Variants in DNAH9 observed in about 807,000 individuals in gnomAD.
The protein encoded by DNAH9 is dynein axonemal heavy chain 9, also known as DNAH9 variant protein.
In DNAH9, 345 loss-of-function variants were observed where a neutral mutation model predicts 471.6. The ratio of observed to expected loss-of-function variants is 0.73; its 90% CI spans 0.67 to 0.80. The LOEUF is 0.80. DNAH9 is among the 30% of genes least tolerant of loss of function. DNAH9 has a pLI of 0.00. For synonymous variants in DNAH9, 2,093 were observed against 2,123.6 expected, an observed-to-expected ratio of 0.99 and a Z score of 0.40; for missense variants, 5,407 against 5,609.2, an observed-to-expected ratio of 0.96 and a Z score of 1.15.
chr17:11,854,933 T>C (rs1257385615), intron 50 of DNAH9, among the ~76,000 whole-genome samples: 1 of 152,214 alleles, frequency 6.6e-6, no homozygotes, highest in Non-Finnish European at 1.5e-5. Context: ...TCATTAGCTT[T>C]TATAAACTCA....
At chr17:11,646,588 CTTCTCTGATT>C (rs2073395511) in intron 11 of DNAH9, among the ~76,000 whole-genome samples, 1 of 152,158 alleles carries the variant, frequency 6.6e-6, no homozygotes, top group Non-Finnish European at 1.5e-5. Flanking sequence ...TCTTTCTCCT[CTTCTCTGATT>C]TAAGCAATGC....
intron 61 of DNAH9, among the ~76,000 whole-genome samples, chr17:11,921,085 G>A (rs887142158): frequency 6.6e-6 from 1 of 151,694 alleles, no homozygotes; most frequent in Non-Finnish European, 1.5e-5. Flanking sequence ...AGGCTGCAGT[G>A]AGGTGAGATC....
intron 41 of DNAH9, among the ~76,000 whole-genome samples, chr17:11,787,301 C>A (rs540183527): frequency 6.6e-6 from 1 of 152,330 alleles, no homozygotes; most frequent in African/African-American, 2.4e-5. Context: ...AGCTGGCCAC[C>A]TGCAATTGGG....
At chr17:11,776,038 G>A (rs901340094) in intron 38 of DNAH9, among the ~76,000 whole-genome samples, 3 of 152,054 alleles carry the variant, frequency 2.0e-5, no homozygotes, top group Non-Finnish European at 2.9e-5. Context: ...CTGTGCTTCC[G>A]ACTTACAGTA....
Position 11,744,826 on chromosome 17 carries a change from C to G in DNAH9, c.6141C>G (p.Ile2047Met). Residue 2047 changes from isoleucine (I) to methionine (M), a missense_variant, in exon 31 of 69, where the codon ATC (isoleucine) becomes ATG (methionine). Ile to Met is a conservative substitution (Grantham distance 10). Around this residue, in one of 3 missense-constraint regions of DNAH9, gnomAD observed 4,636 missense variants for 4,900.3 expected, o/e 0.95. Coordinates refer to ENST00000262442, the MANE Select transcript of DNAH9 (RefSeq NM_001372.4). ...ACTACGACTGGGGCCTACGGGCCATCAAGTCCGTGCTGGTGGTGGCAGGAT... is the reference window on the plus strand; with the variant it reads ...ACTACGACTGGGGCCTACGGGCCATGAAGTCCGTGCTGGTGGTGGCAGGAT... ...QDHYDWGLRA[I>M]KSVLVVAGSL... 1.2e-6 allele frequency: 2 copies of G among 1,613,870 alleles called. No homozygotes were observed. Among genetic ancestry groups the G allele is most frequent in the Non-Finnish European group, 1.7e-6 (2 of 1,179,786 alleles).
At chr17:11,719,772 G>T (rs1207013486) in intron 27 of DNAH9, among the ~76,000 whole-genome samples, 2 of 152,016 alleles carry the variant, frequency 1.3e-5, no homozygotes, top group Non-Finnish European at 2.9e-5. Context: ...CATCTTTTTG[G>T]ATCTTTCTTT....
At position 11,781,117 on chromosome 17, in the gene DNAH9, C is replaced by A; in HGVS notation, c.7661C>A (p.Ala2554Asp). 1 of 1,614,170 alleles carries A rather than the reference C, an allele frequency of 6.2e-7. No homozygotes were observed. The highest frequency in any genetic ancestry group is 1.7e-5 in the Admixed American group (1 of 60,028). The change falls in exon 39 of 69, where the codon GCC becomes GAC. Residue 2554 changes from alanine (A) to aspartate (D), a missense_variant. By Grantham distance (126) the Ala-to-Asp change is moderately radical (BLOSUM62 -2). Around this residue, in one of 3 missense-constraint regions of DNAH9, gnomAD observed 4,636 missense variants for 4,900.3 expected, o/e 0.95. Coordinates refer to ENST00000262442, the MANE Select transcript of DNAH9 (RefSeq NM_001372.4). ...IDDMNMPEVDAYGTVQPHTII... is the reference protein window; with the variant it reads ...IDDMNMPEVDDYGTVQPHTII... ...GACATGAACATGCCTGAGGTGGATG[C>A]CTACGGGACGGTGCAGCCCCACACC...
At chr17:11,902,965 T>G in intron 60 of DNAH9, 53 bp downstream of exon 60, 1 of 1,559,696 alleles carries the variant, frequency 6.4e-7, no homozygotes, top group Non-Finnish European at 8.7e-7. Flanking sequence ...AAGGGCAACC[T>G]CAGGACAACT....
intron 53 of DNAH9, among the ~76,000 whole-genome samples, chr17:11,877,472 C>CT (rs768565641): frequency 0.011 from 252 of 23,984 alleles, 1 homozygote; most frequent in Non-Finnish European, 0.015. Context: ...AAAACTCTGT[C>CT]TAAAAAAAAA....
rs191974505 is a variant in DNAH9, at chr17:11,652,991, G to T, written c.2584G>T (p.Ala862Ser). 74 of 1,613,702 alleles carry T rather than the reference G, an allele frequency of 4.6e-5. No individual in the cohort carries two copies. The East Asian group carries it at 5.1e-4, about 11-fold the overall frequency. ...LIKESGLKIH[A>S]LVQENLGLFS... The stretch of plus-strand genomic sequence containing the variant: ...CAAGGAATCTGGCCTTAAGATCCAC[G>T]CCCTTGTTCAGGTAATAACCCAGCC... The change falls in exon 14 of 69, where the codon GCC (alanine) becomes TCC (serine). Residue 862 changes from alanine (A) to serine (S), a missense_variant. Physicochemically the swap from Ala to Ser is moderately conservative, Grantham distance 99 (BLOSUM62 1). Around this residue, in one of 3 missense-constraint regions of DNAH9, gnomAD observed 4,636 missense variants for 4,900.3 expected, o/e 0.95. Transcript: ENST00000262442.
chr17:11,649,079 A>T (rs1597432594), intron 12 of DNAH9, among the ~76,000 whole-genome samples: 2 of 151,364 alleles, frequency 1.3e-5, no homozygotes, highest in Admixed American at 1.3e-4. Context: ...GTGAGCCGAG[A>T]TTGCGCCATT....
chr17:11,920,906 C>T (rs1234498106), intron 61 of DNAH9, among the ~76,000 whole-genome samples: 1 of 151,950 alleles, frequency 6.6e-6, no homozygotes, highest in East Asian at 1.9e-4. Flanking sequence ...TTTGGGAGGC[C>T]GAGGTGGGTG....
chr17:11,647,196 C>T lies in DNAH9; in HGVS notation c.2095C>T (p.Gln699Ter), dbSNP rs1458882079. The T allele has an allele frequency of 1.9e-6, 3 of 1,613,658 alleles. No homozygotes were observed. ...GGAGATCACTATCAACTTTAACCCA[C>T]AGGTCAGTTGGCTGACAGTAGCTCT... ...TKEITINFNPQLISVLKEMSY... is the reference protein window; with the variant it reads ...TKEITINFNP The change falls in exon 12 of 69, where the codon CAG (glutamine) becomes TAG (stop). Residue 699 changes from glutamine (Q) to a stop codon, truncating the protein, a stop_gained and splice_region_variant. Transcript: ENST00000262442. LOFTEE classifies it high-confidence loss of function.
intron 49 of DNAH9, among the ~76,000 whole-genome samples, chr17:11,848,560 T>C (rs1971301779): frequency 6.6e-6 from 1 of 151,764 alleles, no homozygotes; most frequent in South Asian, 2.1e-4. Context: ...ATCAAATAAT[T>C]GTTAAATAAT....
At chr17:11,935,855 G>A (rs1445273419) in intron 65 of DNAH9, among the ~76,000 whole-genome samples, 1 of 152,008 alleles carries the variant, frequency 6.6e-6, no homozygotes, top group Non-Finnish European at 1.5e-5. Context: ...AGAAAAATTG[G>A]ACCTATAAGA....
intron 14 of DNAH9, among the ~76,000 whole-genome samples, chr17:11,662,229 A>T (rs974766518): frequency 6.6e-6 from 1 of 152,096 alleles, no homozygotes; most frequent in Non-Finnish European, 1.5e-5. Context: ...TGCTTTTACT[A>T]GATTCTTTTT....
intron 27 of DNAH9, among the ~76,000 whole-genome samples, chr17:11,726,660 G>T (rs1192228779): frequency 1.3e-5 from 2 of 152,076 alleles, no homozygotes; most frequent in Non-Finnish European, 1.5e-5. Flanking sequence ...CTGTTTTTAT[G>T]TATATACCTT....
chr17:11,762,880 C>T lies in DNAH9; in HGVS notation c.6996-560C>T, dbSNP rs549812802. On this transcript the variant is annotated intron_variant, in intron 35 of 68. Coordinates refer to ENST00000262442, the MANE Select transcript of DNAH9 (RefSeq NM_001372.4). ...CTGCAAGCTCCGCCTCCCGGGTTCA[C>T]GCCATTCTTCTGCCTCAGCCTCCCA... Among the ~76,000 whole-genome samples the T allele has an allele frequency of 8.1e-3, 1,209 of 148,362 alleles. 18 individuals carry two copies. Among genetic ancestry groups the T allele is most frequent in the Non-Finnish European group, 7.0e-3 (471 of 67,324 alleles).
Position 11,797,634 on chromosome 17 carries a change from AC to A in DNAH9, c.8263del (p.Leu2755CysfsTer23), listed in dbSNP as rs1350101296. The A allele has an allele frequency of 6.2e-6, 10 of 1,614,006 alleles. No homozygotes were observed. The highest frequency in any genetic ancestry group is 7.6e-6 in the Non-Finnish European group (9 of 1,180,004). On this transcript the variant is annotated frameshift_variant, in exon 43 of 69. Transcript: ENST00000262442. LOFTEE classifies it high-confidence loss of function. ...CCTGTGGAGCAGACCCAAAGCCCGA[AC>A]CTGTATTGTCACTTTGCAAATGGTA... ...EDPVEQTQSP[N>X]LYCHFANGIG...
Sources: allele counts gnomAD v4.1 joint callset (sites outside exome capture counted in the v4.1 genomes callset), GRCh38; gene constraint gnomAD v4.1.1; regional missense constraint gnomAD v4.1.1; transcripts MANE v1.5; gene names NCBI Gene and HGNC (gene_info 2026-07-23, HGNC 2026-07-21).